Variants in NDRG4 observed in about 807,000 individuals in gnomAD.
NDRG4 encodes protein NDRG4.
A neutral mutation model predicts 55.8 loss-of-function variants in NDRG4; 38 were observed. That is an observed-to-expected ratio of 0.68 (90% CI 0.53 to 0.89). The LOEUF (loss-of-function observed/expected upper bound fraction) is 0.89. Among genes scored for constraint, NDRG4 ranks in the 40% least tolerant of loss-of-function variants. The pLI, the probability that NDRG4 is intolerant of heterozygous loss-of-function variation, is 0.00. For missense variants in NDRG4, 455 were observed against 468.6 expected (o/e 0.97, Z 0.27); for synonymous variants, 190 against 182.7 (o/e 1.04, Z -0.32).
At chr16:58,510,601 C>G (rs573197521) in intron 13 of NDRG4, 44 bp from the exon 14 acceptor site, 3 of 1,506,902 alleles carry the variant, frequency 2.0e-6, no homozygotes, top group South Asian at 1.2e-5. Context: ...TGTGTTGTGT[C>G]TCCCCCATCC....
At chr16:58,483,278 G>A (rs959976643) in intron 1 of NDRG4, among the ~76,000 whole-genome samples, 4 of 152,026 alleles carry the variant, frequency 2.6e-5, no homozygotes, top group Admixed American at 2.0e-4. Context: ...TCGCCTGGCC[G>A]GGGTCTCAGC....
chr16:58,501,000 A>G (rs1401348986), intron 1 of NDRG4: 5 of 1,244,984 alleles, frequency 4.0e-6, no homozygotes, highest in Non-Finnish European at 5.0e-6. Context: ...GGGGGAAGGC[A>G]ACGCTGGAGC....
intron 14 of NDRG4, 179 bp from the exon 15 acceptor site, chr16:58,511,243 C>T: frequency 1.5e-6 from 1 of 685,832 alleles, no homozygotes; most frequent in East Asian, 2.6e-5. Flanking sequence ...GGCCCACTCA[C>T]TGTCGCCGGC....
At chr16:58,500,740 C>T in intron 1 of NDRG4, 2 of 417,934 alleles carry the variant, frequency 4.8e-6, no homozygotes, top group Non-Finnish European at 4.2e-6. Flanking sequence ...AGTGTGCGTG[C>T]CGGGTCTGTG....
At chr16:58,475,710 C>T (rs888121947) in intron 1 of NDRG4, 20 of 453,272 alleles carry the variant, frequency 4.4e-5, no homozygotes, top group Non-Finnish European at 8.0e-5. Flanking sequence ...TAGAATCCTG[C>T]CTTTGAGCCT....
At chr16:58,487,445 A>T (rs909896447) in intron 1 of NDRG4, among the ~76,000 whole-genome samples, 1 of 152,186 alleles carries the variant, frequency 6.6e-6, no homozygotes, top group African/African-American at 2.4e-5. Flanking sequence ...ACTTGAACTC[A>T]GGAGGCGAAG....
chr16:58,497,283 T>C (rs1279715965), upstream of NDRG4, among the ~76,000 whole-genome samples: 4 of 151,668 alleles, frequency 2.6e-5, no homozygotes, highest in Non-Finnish European at 4.4e-5. Context: ...GATTGCACCA[T>C]TGCACTCCAG....
intron 14 of NDRG4, 193 bp from the exon 15 acceptor site, chr16:58,511,229 C>T (rs1479687429): frequency 1.6e-6 from 1 of 642,554 alleles, no homozygotes; most frequent in Non-Finnish European, 2.7e-6. Flanking sequence ...GCCGCAGCCC[C>T]CTAGGCCCAC....
upstream of NDRG4, among the ~76,000 whole-genome samples, chr16:58,497,412 T>C (rs1445703168): frequency 1.3e-5 from 2 of 152,176 alleles, no homozygotes; most frequent in African/African-American, 4.8e-5. Flanking sequence ...CATTTGAACA[T>C]AGTGTTTGCC....
At chr16:58,503,965 C>CT in intron 2 of NDRG4, 62 bp downstream of exon 2, 2 of 1,569,924 alleles carry the variant, frequency 1.3e-6, no homozygotes, top group Non-Finnish European at 8.7e-7. Context: ...GCGGTGAGGC[C>CT]CCCCACCCTC....
Position 58,506,458 on chromosome 16 carries a change from C to T in NDRG4, c.444C>T (p.Asp148=). ...ACCCCAATGGCAAAGGCTGGATAGACTGGGCTGCCACCAAGGTGTGTGTGG... is the reference window on the plus strand; with the variant it reads ...ACCCCAATGGCAAAGGCTGGATAGATTGGGCTGCCACCAAGGTGTGTGTGG... The part of the protein sequence containing the change: ...NIDPNGKGWI[D]WAATKLSGLT... The change falls in exon 6 of 15, where the codon GAC becomes GAT. Residue 148 remains aspartate (D), a synonymous_variant. Transcript: ENST00000570248. 1 of 1,570,438 alleles carries T rather than the reference C, an allele frequency of 6.4e-7. No individual in the cohort carries two copies. The highest frequency in any genetic ancestry group is 8.7e-7 in the Non-Finnish European group (1 of 1,155,796).
At chr16:58,481,182 C>T (rs1245003349) in intron 1 of NDRG4, among the ~76,000 whole-genome samples, 1 of 152,166 alleles carries the variant, frequency 6.6e-6, no homozygotes, top group Admixed American at 6.5e-5. Flanking sequence ...AATAATAGTA[C>T]CTACCTCCAT....
intron 2 of NDRG4, among the ~76,000 whole-genome samples, chr16:58,491,408 C>T (rs62040067): frequency 0.08 from 12,161 of 152,022 alleles, 676 homozygotes; most frequent in Non-Finnish European, 0.12. Context: ...CGCTCACAGA[C>T]GATTCTCCTT....
rs892988331 is a variant in NDRG4 at position 58,464,228 on chromosome 16, T to C, written c.-24+431T>C. ...TTTTTGGGGGTGCGCGGCCATGCAA[T>C]TGGTGGATTTTTTTAAACCGTTTTG... On this transcript the variant is annotated intron_variant, in intron 1 of 15. Coordinates refer to the NDRG4 transcript ENST00000258187. This position sits in a 1 kb window ranked among gnomAD's most constrained non-coding sequence, Gnocchi z 4.8. 20 of 400,748 alleles carry C rather than the reference T, an allele frequency of 5.0e-5. No homozygotes were observed. Among genetic ancestry groups the C allele is most frequent in the African/African-American group, 4.0e-4 (19 of 48,006 alleles). The allele number at this position is 400,748 out of a possible 1,614,324, so 24.8% of individuals were successfully genotyped here.
chr16:58,501,415 T>G, intron 1 of NDRG4: 5 of 222,576 alleles, frequency 2.2e-5, no homozygotes, highest in Non-Finnish European at 2.6e-5. Flanking sequence ...GCCGCAGTGC[T>G]TCCCGCCTGC....
upstream of NDRG4, among the ~76,000 whole-genome samples, chr16:58,496,212 A>C (rs2036390913): frequency 2.0e-5 from 3 of 151,994 alleles, no homozygotes; most frequent in African/African-American, 7.2e-5. Flanking sequence ...GGAGTCGTGG[A>C]GGAGACCCTA....
upstream of NDRG4, chr16:58,499,668 A>T (rs1429495758): frequency 6.4e-6 from 1 of 156,814 alleles, no homozygotes; most frequent in African/African-American, 2.4e-5. Flanking sequence ...GGTCCCCAAG[A>T]TGTTGGGCTT....
intron 2 of NDRG4, among the ~76,000 whole-genome samples, chr16:58,492,238 T>C (rs1284597064): frequency 1.3e-4 from 20 of 152,038 alleles, no homozygotes; most frequent in Admixed American, 1.3e-3. Flanking sequence ...CCTGTCTGGG[T>C]TCCTCTGCTC....
At chr16:58,471,937 G>C (rs16960171) in intron 1 of NDRG4, among the ~76,000 whole-genome samples, 6,975 of 152,086 alleles carry the variant, frequency 0.046, 187 homozygotes, top group African/African-American at 0.062. Context: ...CCATAACCAA[G>C]TCCAGGGTTT....
Sources: allele counts gnomAD v4.1 joint callset (sites outside exome capture counted in the v4.1 genomes callset), GRCh38; gene constraint gnomAD v4.1.1; non-coding constraint Gnocchi (gnomAD v3.1); transcripts MANE v1.5; gene names NCBI Gene and HGNC (gene_info 2026-07-23, HGNC 2026-07-21).